Variants in RNF220 observed in about 807,000 individuals in gnomAD.
The protein encoded by RNF220 is E3 ubiquitin-protein ligase RNF220.
RNF220 carries 7 observed loss-of-function variants against 67.1 expected under a neutral mutation model. That is an observed-to-expected ratio of 0.10 (90% CI 0.06 to 0.20). The LOEUF (loss-of-function observed/expected upper bound fraction) is 0.20, where lower values mean the gene tolerates loss of function less well. Ranked by LOEUF, RNF220 falls within the 10% of genes least tolerant of loss-of-function variation. RNF220 has a pLI of 1.00. For missense variants in RNF220, 565 were observed against 740.3 expected, an observed-to-expected ratio of 0.76 and a Z score of 2.75; for synonymous variants, 270 against 283.2, an observed-to-expected ratio of 0.95 and a Z score of 0.47.
At chr1:44,457,289 T>C (rs1653287463) in intron 2 of RNF220, among the ~76,000 whole-genome samples, 1 of 152,184 alleles carries the variant, frequency 6.6e-6, no homozygotes, top group Non-Finnish European at 1.5e-5. Flanking sequence ...GGAAACATCA[T>C]TTTATATATA....
In RNF220 at chr1:44,464,992, G is replaced by A. The variant is rs116083802; in HGVS notation, c.625+52270G>A. Reference sequence around the variant, plus strand: ...CTCCTTCATTATACTGAGAGTGTCTGGATGGCAAGAAATGTGTTTTATTTA... The same window carrying A: ...CTCCTTCATTATACTGAGAGTGTCTAGATGGCAAGAAATGTGTTTTATTTA... On this transcript the variant is annotated intron_variant, in intron 2 of 14. Transcript: ENST00000361799. Among the ~76,000 whole-genome samples the A allele has an allele frequency of 6.9e-3, 1,052 of 152,226 alleles. 7 individuals carry two copies. The highest frequency in any genetic ancestry group is 0.024 in the African/African-American group (996 of 41,516).
intron 2 of RNF220, among the ~76,000 whole-genome samples, chr1:44,590,936 T>C (rs1666072378): frequency 6.6e-6 from 1 of 152,058 alleles, no homozygotes; most frequent in Admixed American, 6.6e-5. Flanking sequence ...GGGAACAGCA[T>C]GGTTTTTGTT....
chr1:44,580,997 A>T (rs1665236169), intron 2 of RNF220, among the ~76,000 whole-genome samples: 1 of 152,214 alleles, frequency 6.6e-6, no homozygotes, highest in Non-Finnish European at 1.5e-5. Context: ...CCAGAGCCAG[A>T]GTCTGGGCCA....
At chr1:44,423,519 A>T (rs759002586) in intron 2 of RNF220, among the ~76,000 whole-genome samples, 1 of 152,206 alleles carries the variant, frequency 6.6e-6, no homozygotes, top group Non-Finnish European at 1.5e-5. Flanking sequence ...CTTTCTGATA[A>T]CATATGCTAT....
At chr1:44,446,479 T>C (rs1306715412) in intron 2 of RNF220, among the ~76,000 whole-genome samples, 3 of 152,176 alleles carry the variant, frequency 2.0e-5, no homozygotes, top group Non-Finnish European at 2.9e-5. Context: ...AGCTTGTCAC[T>C]GTTAAAGTGA....
At chr1:44,445,860 A>C (rs772605620) in intron 2 of RNF220, among the ~76,000 whole-genome samples, 1 of 152,208 alleles carries the variant, frequency 6.6e-6, no homozygotes, top group Non-Finnish European at 1.5e-5. Flanking sequence ...AAGCCCCTTG[A>C]AGGTAGAGGA....
intron 2 of RNF220, among the ~76,000 whole-genome samples, chr1:44,508,164 T>C (rs1042226015): frequency 6.9e-6 from 1 of 144,692 alleles, no homozygotes; most frequent in Non-Finnish European, 1.5e-5. Flanking sequence ...TGACCTTTCT[T>C]TCCCGAGGCA....
At chr1:44,488,727 C>CTTTTTTTTTTTTTTTTTTTTTT (rs55968850) in intron 2 of RNF220, among the ~76,000 whole-genome samples, 2 of 102,566 alleles carry the variant, frequency 1.9e-5, no homozygotes, top group Admixed American at 1.2e-4. Flanking sequence ...TTTCTTTTTT[C>CTTTTTTTTTTTTTTTTTTTTTT]TTTTTTTTTT....
chr1:44,498,675 T>C (rs1034414264), intron 2 of RNF220, among the ~76,000 whole-genome samples: 18 of 152,128 alleles, frequency 1.2e-4, no homozygotes, highest in Admixed American at 1.0e-3. Flanking sequence ...CAAAACCCTC[T>C]ATACCAGGGA....
At chr1:44,631,207 T>C (rs1324834048) in intron 5 of RNF220, among the ~76,000 whole-genome samples, 1 of 152,232 alleles carries the variant, frequency 6.6e-6, no homozygotes, top group Non-Finnish European at 1.5e-5. Flanking sequence ...TCACAAGCGA[T>C]GATAACGGCG....
At chr1:44,520,086 TG>T (rs1419677659) in intron 2 of RNF220, among the ~76,000 whole-genome samples, 2 of 33,720 alleles carry the variant, frequency 5.9e-5, no homozygotes, top group African/African-American at 1.4e-4. Flanking sequence ...AGTCCAGCAT[TG>T]TGTGTGTGTG....
At chr1:44,472,575 T>C (rs960774326) in intron 2 of RNF220, among the ~76,000 whole-genome samples, 6 of 152,194 alleles carry the variant, frequency 3.9e-5, no homozygotes, top group Admixed American at 3.9e-4. Context: ...TCTCATCAGG[T>C]TGCTTCAGTA....
intron 2 of RNF220, among the ~76,000 whole-genome samples, chr1:44,582,682 G>A (rs137872555): frequency 0.015 from 2,302 of 151,446 alleles, 71 homozygotes; most frequent in African/African-American, 0.053. Context: ...GATTGAATCC[G>A]GAAGGCGGAG....
chr1:44,578,058 A>T (rs1664944317), intron 2 of RNF220, among the ~76,000 whole-genome samples: 1 of 150,374 alleles, frequency 6.7e-6, no homozygotes, highest in Non-Finnish European at 1.5e-5. Context: ...CTCCCACCTC[A>T]GCCTCCCAAA....
At chr1:44,578,821 G>A (rs1036397377) in intron 2 of RNF220, among the ~76,000 whole-genome samples, 1 of 152,160 alleles carries the variant, frequency 6.6e-6, no homozygotes, top group Non-Finnish European at 1.5e-5. Context: ...TATTTATTGA[G>A]TGCTCACAGT....
intron 2 of RNF220, among the ~76,000 whole-genome samples, chr1:44,457,939 G>A (rs575711768): frequency 6.6e-6 from 1 of 152,178 alleles, no homozygotes; most frequent in African/African-American, 2.4e-5. Context: ...CTTGTCTACG[G>A]ATTTTGGCTT....
rs530614432 is a variant in RNF220, at chr1:44,453,627, A to G, written c.625+40905A>G. Reference sequence around the variant, plus strand: ...ATATTAATAGATTTCTAAATACAGAACCATCCCCTGCATTACTAGATAAAT... The same window carrying G: ...ATATTAATAGATTTCTAAATACAGAGCCATCCCCTGCATTACTAGATAAAT... On this transcript the variant is annotated intron_variant, in intron 2 of 14. Coordinates refer to ENST00000361799, the MANE Select transcript of RNF220 (RefSeq NM_018150.4). Among the ~76,000 whole-genome samples the G allele has an allele frequency of 4.6e-5, 7 of 152,180 alleles. No individual in the cohort carries two copies. The East Asian group carries it at 1.3e-3, about 29-fold the overall frequency.
chr1:44,506,509 C>T (rs143201517), intron 2 of RNF220, among the ~76,000 whole-genome samples: 1 of 152,344 alleles, frequency 6.6e-6, no homozygotes, highest in East Asian at 1.9e-4. Flanking sequence ...TTTGGTTTGC[C>T]AGAAGTGGAT....
chr1:44,431,115 A>G (rs1650318916), intron 2 of RNF220, among the ~76,000 whole-genome samples: 1 of 152,198 alleles, frequency 6.6e-6, no homozygotes, highest in South Asian at 2.1e-4. Context: ...GTTAGTTTGT[A>G]AAAAAGGTTA....
Sources: gnomAD v4.1 joint callset for allele counts (sites outside exome capture counted in the v4.1 genomes callset) on GRCh38, gnomAD v4.1.1 for gene constraint, MANE v1.5 for transcripts, NCBI Gene and HGNC (gene_info 2026-07-23, HGNC 2026-07-21) for gene names.